The following HDAC9 variants were observed in gnomAD, a reference collection of about 807,000 sequenced individuals.
HDAC9 encodes the protein histone deacetylase 9.
In HDAC9, 41 loss-of-function variants were observed where a neutral mutation model predicts 139.4. The ratio of observed to expected loss-of-function variants is 0.29; its 90% CI spans 0.23 to 0.38. HDAC9 has a LOEUF of 0.38. HDAC9 is among the 10% of genes least tolerant of loss of function. The probability of loss-of-function intolerance (pLI) is 1.00; values close to 1 mark genes in which losing one functional copy is unlikely to be tolerated. For synonymous variants in HDAC9, 517 were observed against 476.2 expected, an observed-to-expected ratio of 1.09 and a Z score of -1.12; for missense variants, 1,147 against 1,297.0, an observed-to-expected ratio of 0.88 and a Z score of 1.78.
chr7:18,656,970 A>G (rs1013288449), intron 11 of HDAC9, among the ~76,000 whole-genome samples: 1 of 152,106 alleles, frequency 6.6e-6, no homozygotes, highest in Non-Finnish European at 1.5e-5. Context: ...TCTTTTGGAT[A>G]AAAGCATTTT....
At chr7:18,450,952 T>C (rs1211242635) in intron 1 of HDAC9, among the ~76,000 whole-genome samples, 1 of 152,190 alleles carries the variant, frequency 6.6e-6, no homozygotes, top group Non-Finnish European at 1.5e-5. Context: ...TGTTTCTACA[T>C]GGATATATGT....
intron 2 of HDAC9, among the ~76,000 whole-genome samples, chr7:18,263,044 TA>T (rs1171944137): frequency 3.3e-5 from 5 of 151,966 alleles, no homozygotes; most frequent in Admixed American, 2.6e-4. Flanking sequence ...AATAGTCCAA[TA>T]AAAAAAGCAG....
chr7:18,630,038 G>A (rs1237319564), intron 7 of HDAC9, among the ~76,000 whole-genome samples: 1 of 152,026 alleles, frequency 6.6e-6, no homozygotes, highest in Admixed American at 6.6e-5. Context: ...ATTTTCATGG[G>A]TCTCAAATGG....
chr7:18,929,150 T>C (rs556497406), intron 22 of HDAC9, among the ~76,000 whole-genome samples: 45 of 152,110 alleles, frequency 3.0e-4, no homozygotes, highest in Non-Finnish European at 4.4e-4. Flanking sequence ...AGGCTTAATC[T>C]TTGAGCCTTC....
chr7:18,821,309 A>C (rs897644090), intron 17 of HDAC9, among the ~76,000 whole-genome samples: 1 of 152,182 alleles, frequency 6.6e-6, no homozygotes, highest in African/African-American at 2.4e-5. Flanking sequence ...AACACAGAGG[A>C]ACTTGATGGT....
At chr7:18,096,603 T>C (rs371696151) in intron 1 of HDAC9, among the ~76,000 whole-genome samples, 1 of 152,176 alleles carries the variant, frequency 6.6e-6, no homozygotes, top group South Asian at 2.1e-4. Flanking sequence ...TTGCCTTATG[T>C]TGTGTGTCAT....
At chr7:18,665,896 G>C (rs1284461038) in intron 11 of HDAC9, among the ~76,000 whole-genome samples, 4 of 151,988 alleles carry the variant, frequency 2.6e-5, no homozygotes, top group Admixed American at 6.6e-5. Context: ...GAAAGTTTCA[G>C]GGTTTCCATG....
At chr7:18,837,672 A>T in intron 21 of HDAC9, among the ~76,000 whole-genome samples, 1 of 152,090 alleles carries the variant, frequency 6.6e-6, no homozygotes, top group East Asian at 1.9e-4. Context: ...TAAATCATGT[A>T]TGCACAGCAA....
intron 2 of HDAC9, among the ~76,000 whole-genome samples, chr7:18,271,482 A>C (rs1012062454): frequency 6.6e-6 from 1 of 152,152 alleles, no homozygotes; most frequent in Admixed American, 6.6e-5. Flanking sequence ...TCAGCCTGCC[A>C]TATGTTTCAG....
chr7:18,579,216 A>T (rs1005556716), intron 2 of HDAC9, among the ~76,000 whole-genome samples: 1 of 152,230 alleles, frequency 6.6e-6, no homozygotes, highest in African/African-American at 2.4e-5. Flanking sequence ...AATGTTAATG[A>T]GAGAATGATA....
At chr7:18,781,600 A>C (rs1791253128) in intron 16 of HDAC9, among the ~76,000 whole-genome samples, 1 of 151,966 alleles carries the variant, frequency 6.6e-6, no homozygotes, top group Non-Finnish European at 1.5e-5. Context: ...TTTTCTTGTG[A>C]ATCTACTAAT....
intron 1 of HDAC9, among the ~76,000 whole-genome samples, chr7:18,103,935 C>T (rs1356920760): frequency 1.3e-5 from 2 of 152,204 alleles, no homozygotes; most frequent in Non-Finnish European, 2.9e-5. Flanking sequence ...GAGCCGATCC[C>T]AGCAGTTCAG....
chr7:18,811,093 G>A (rs1794137781), intron 17 of HDAC9, among the ~76,000 whole-genome samples: 1 of 151,614 alleles, frequency 6.6e-6, no homozygotes, highest in Non-Finnish European at 1.5e-5. Context: ...TGTGGAATCT[G>A]TAATGTCAGC....
chr7:18,385,638 C>A (rs181880951), intron 1 of HDAC9, among the ~76,000 whole-genome samples: 1 of 152,118 alleles, frequency 6.6e-6, no homozygotes, highest in Non-Finnish European at 1.5e-5. Context: ...GTCATACTTA[C>A]GATATTGTTC....
chr7:18,464,712 C>G (rs1225172126), intron 1 of HDAC9, among the ~76,000 whole-genome samples: 2 of 151,920 alleles, frequency 1.3e-5, no homozygotes, highest in African/African-American at 2.4e-5. Context: ...CAAGTGTGGT[C>G]TTTTATGTTA....
At chr7:18,365,959 T>G (rs1025490879) in intron 1 of HDAC9, among the ~76,000 whole-genome samples, 1 of 151,746 alleles carries the variant, frequency 6.6e-6, no homozygotes, top group Non-Finnish European at 1.5e-5. Context: ...GTTGTTTTTT[T>G]TTTTCTGTCA....
At chr7:18,474,007 C>T (rs1421432928) in intron 1 of HDAC9, among the ~76,000 whole-genome samples, 1 of 152,186 alleles carries the variant, frequency 6.6e-6, no homozygotes, top group Non-Finnish European at 1.5e-5. Context: ...TACTTTTCAG[C>T]TTCTTATCTA....
At chr7:18,990,456 T>TCAGA (rs879880979) in intron 25 of HDAC9, among the ~76,000 whole-genome samples, 5 of 152,360 alleles carry the variant, frequency 3.3e-5, no homozygotes, top group Middle Eastern at 3.4e-3. Context: ...TTCAATGCTG[T>TCAGA]CAGACAGGGA....
chr7:18,876,166 A>G (rs889530634), intron 22 of HDAC9, among the ~76,000 whole-genome samples: 2 of 152,320 alleles, frequency 1.3e-5, no homozygotes, highest in Middle Eastern at 3.4e-3. Context: ...GCCATTAGGT[A>G]TAGGAGACGT....
Sources: gnomAD v4.1 joint callset for allele counts (sites outside exome capture counted in the v4.1 genomes callset) on GRCh38, gnomAD v4.1.1 for gene constraint, MANE v1.5 for transcripts, NCBI Gene and HGNC (gene_info 2026-07-23, HGNC 2026-07-21) for gene names.